The following AMZ1 variants were observed in gnomAD, a reference collection of about 807,000 sequenced individuals.
AMZ1 encodes the protein archaemetzincin-1.
AMZ1 carries 39 observed loss-of-function variants against 29.9 expected under a neutral mutation model. That is an observed-to-expected ratio of 1.30 (90% CI 1.01 to 1.70). The LOEUF (loss-of-function observed/expected upper bound fraction) is 1.70. Among genes scored for constraint, AMZ1 ranks in the 40% most tolerant of loss-of-function variants. The probability of loss-of-function intolerance (pLI) is 0.00; values close to 1 mark genes in which losing one functional copy is unlikely to be tolerated. For missense variants in AMZ1, 1,041 were observed against 680.6 expected (o/e 1.53, Z -5.89); for synonymous variants, 458 against 304.0 (o/e 1.51, Z -5.27).
At chr7:2,712,278 G>C in intron 6 of AMZ1, 52 bp from the exon 7 acceptor site, 1 of 1,494,482 alleles carries the variant, frequency 6.7e-7, no homozygotes. Flanking sequence ...CAGTTCCCTG[G>C]CTAGACAAGG....
intron 4 of AMZ1, among the ~76,000 whole-genome samples, chr7:2,751,714 T>C (rs1791048571): frequency 6.6e-6 from 1 of 152,254 alleles, no homozygotes; most frequent in African/African-American, 2.4e-5. Flanking sequence ...TGACAGGTAT[T>C]AAGAGAATGT....
intron 4 of AMZ1, among the ~76,000 whole-genome samples, chr7:2,732,858 G>A (rs1256067555): frequency 6.6e-6 from 1 of 152,180 alleles, no homozygotes. Flanking sequence ...CTGACCAATG[G>A]CAATGCATGA....
intron 4 of AMZ1, among the ~76,000 whole-genome samples, chr7:2,739,909 G>C (rs540354908): frequency 1.2e-4 from 19 of 152,302 alleles, no homozygotes; most frequent in African/African-American, 4.3e-4. Context: ...CTGACCTCCA[G>C]TGATCCGCCC....
upstream of AMZ1, among the ~76,000 whole-genome samples, chr7:2,685,284 T>A (rs1307528436): frequency 6.6e-6 from 1 of 150,866 alleles, no homozygotes; most frequent in Non-Finnish European, 1.5e-5. Context: ...CAGGCCAGGC[T>A]CGGTGGCTCA....
intron 3 of AMZ1, among the ~76,000 whole-genome samples, chr7:2,706,129 A>T (rs185785794): frequency 1.5e-4 from 23 of 152,370 alleles, no homozygotes; most frequent in Admixed American, 7.2e-4. Context: ...AAGCAGGTGG[A>T]ACTCAGAGGG....
intron 2 of AMZ1, among the ~76,000 whole-genome samples, chr7:2,701,485 T>C (rs897890409): frequency 2.6e-5 from 4 of 151,082 alleles, no homozygotes; most frequent in African/African-American, 9.9e-5. Context: ...CAGAGCTCTG[T>C]GTCTGGCAGA....
At chr7:2,685,217 T>G (rs1583132068), upstream of AMZ1, among the ~76,000 whole-genome samples, 2 of 148,520 alleles carry the variant, frequency 1.3e-5, no homozygotes, top group Admixed American at 6.7e-5. Context: ...GGCGTGGGGG[T>G]TGGGGGGAGG....
At chr7:2,687,100 G>T (rs1049449724), upstream of AMZ1, among the ~76,000 whole-genome samples, 2 of 152,046 alleles carry the variant, frequency 1.3e-5, no homozygotes, top group Admixed American at 1.3e-4. Flanking sequence ...AGGCTGAGGC[G>T]GGTGTATCAT....
chr7:2,748,339 C>T (rs1214257148), intron 4 of AMZ1, among the ~76,000 whole-genome samples: 1 of 151,936 alleles, frequency 6.6e-6, no homozygotes, highest in African/African-American at 2.4e-5. Context: ...AGAACAGAGC[C>T]CTCAGAAATA....
At chr7:2,707,145 T>C (rs57966116) in intron 3 of AMZ1, among the ~76,000 whole-genome samples, 3,627 of 152,186 alleles carry the variant, frequency 0.024, 144 homozygotes, top group African/African-American at 0.082. Flanking sequence ...TGATGGCACG[T>C]GCCTGTAATC....
At chr7:2,703,615 G>A (rs941318344) in intron 3 of AMZ1, among the ~76,000 whole-genome samples, 2 of 152,190 alleles carry the variant, frequency 1.3e-5, no homozygotes, top group Non-Finnish European at 2.9e-5. Context: ...GGCTCTGTTG[G>A]TGGATAGGAA....
chr7:2,737,269 GTTTTGTTTTTTT>G (rs1446882327), intron 4 of AMZ1, among the ~76,000 whole-genome samples: 1 of 38,112 alleles, frequency 2.6e-5, no homozygotes, highest in African/African-American at 9.4e-5. Flanking sequence ...TCACAGTTTT[GTTTTGTTTTTTT>G]TTTTTTTGTT....
At chr7:2,706,930 T>A (rs1788387491) in intron 3 of AMZ1, among the ~76,000 whole-genome samples, 1 of 152,154 alleles carries the variant, frequency 6.6e-6, no homozygotes, top group African/African-American at 2.4e-5. Flanking sequence ...GACTGCAGCG[T>A]GAGCTGTGAT....
intron 4 of AMZ1, among the ~76,000 whole-genome samples, chr7:2,737,277 T>TTGG (rs1355722823): frequency 1.5e-5 from 1 of 67,616 alleles, no homozygotes; most frequent in African/African-American, 6.6e-5. Context: ...TTGTTTTGTT[T>TTGG]TTTTTTTTTT....
rs1450893355 is a variant in AMZ1, at chr7:2,717,757, G to A, written c.*4879G>A. Among the ~76,000 whole-genome samples, 1 of 152,174 alleles carries A rather than the reference G, an allele frequency of 6.6e-6. No homozygotes were observed. The highest frequency in any genetic ancestry group is 2.4e-5 in the African/African-American group (1 of 41,448). ...TTCCCTTTTCTGACATCCTACAGCAGCACCTTGATGAATGAGAACCCGGAA... is the reference window on the plus strand; with the variant it reads ...TTCCCTTTTCTGACATCCTACAGCAACACCTTGATGAATGAGAACCCGGAA... On this transcript the variant is annotated 3_prime_UTR_variant, in exon 7 of 7. Transcript: ENST00000683327.
intron 4 of AMZ1, among the ~76,000 whole-genome samples, chr7:2,736,917 AC>A (rs1387708136): frequency 2.0e-5 from 3 of 152,118 alleles, no homozygotes; most frequent in African/African-American, 7.2e-5. Context: ...AGATCATTCA[AC>A]CCTGCACAGG....
chr7:2,696,146 C>G (rs557321952), intron 1 of AMZ1, among the ~76,000 whole-genome samples: 45 of 152,206 alleles, frequency 3.0e-4, no homozygotes, highest in Admixed American at 5.2e-4. Context: ...AGATTTAACC[C>G]TACTCCACCT....
At chr7:2,757,129 C>CTTTT (rs71026549) in intron 4 of AMZ1, among the ~76,000 whole-genome samples, 39 of 93,982 alleles carry the variant, frequency 4.1e-4, no homozygotes, top group African/African-American at 1.3e-3. Flanking sequence ...TCAGGTGGGC[C>CTTTT]TTTTTTTTTT....
At chr7:2,728,380 T>C (rs1396179765) in intron 4 of AMZ1, 1 of 152,308 alleles carries the variant, frequency 6.6e-6, no homozygotes, top group Non-Finnish European at 1.5e-5. Context: ...TGACTTATTT[T>C]TCTTTTATCA....
Sources: gnomAD v4.1 joint callset for allele counts (sites outside exome capture counted in the v4.1 genomes callset) on GRCh38, gnomAD v4.1.1 for gene constraint, MANE v1.5 for transcripts, NCBI Gene and HGNC (gene_info 2026-07-23, HGNC 2026-07-21) for gene names.